ABCA13: variants seen among roughly 807,000 people sequenced by gnomAD.
ABCA13 encodes ATP-binding cassette sub-family A member 13.
In ABCA13, 476 loss-of-function variants were observed where a neutral mutation model predicts 478.7. The observed-to-expected ratio is 0.99, with a 90% CI of 0.92 to 1.07. The LOEUF (loss-of-function observed/expected upper bound fraction) is 1.07. ABCA13 is among the 50% of genes least tolerant of loss of function. The pLI is 0.00. For synonymous variants in ABCA13, 2,252 were observed against 2,158.9 expected, an observed-to-expected ratio of 1.04 and a Z score of -1.20; for missense variants, 6,060 against 5,910.6, an observed-to-expected ratio of 1.03 and a Z score of -0.83.
At chr7:48,399,226 A>G (rs1424572512) in intron 38 of ABCA13, among the ~76,000 whole-genome samples, 1 of 152,230 alleles carries the variant, frequency 6.6e-6, no homozygotes, top group African/African-American at 2.4e-5. Context: ...TTCCATTCAA[A>G]TAATTCAAAG....
chr7:48,301,357 C>T (rs921606445), intron 23 of ABCA13, among the ~76,000 whole-genome samples: 1 of 152,102 alleles, frequency 6.6e-6, no homozygotes, highest in Admixed American at 6.5e-5. Flanking sequence ...ATTAACAGAG[C>T]TGCTGGGCAT....
chr7:48,338,459 A>T lies in ABCA13; in HGVS notation c.10204+4A>T, dbSNP rs1295328697. On this transcript the variant is annotated splice_donor_region_variant and intron_variant, in intron 29 of 61. Transcript: ENST00000435803. Reference sequence around the variant, plus strand: ...ACTGAAAAACTCCAGACATACGGTAAGTGTGCTGATGGGCATGGTAGTGTT... The same window carrying T: ...ACTGAAAAACTCCAGACATACGGTATGTGTGCTGATGGGCATGGTAGTGTT... 21 of 1,582,884 alleles carry T rather than the reference A, an allele frequency of 1.3e-5. No homozygotes were observed. Among genetic ancestry groups the T allele is most frequent in the Non-Finnish European group, 1.8e-5 (21 of 1,163,422 alleles).
chr7:48,246,778 C>T (rs1791755765), intron 13 of ABCA13, among the ~76,000 whole-genome samples: 1 of 152,074 alleles, frequency 6.6e-6, no homozygotes, highest in South Asian at 2.1e-4. Flanking sequence ...GAAGGGAGTA[C>T]AAACATGAAG....
chr7:48,544,439 A>C (rs1269642233), intron 55 of ABCA13, among the ~76,000 whole-genome samples: 3 of 151,734 alleles, frequency 2.0e-5, no homozygotes, highest in Non-Finnish European at 4.4e-5. Context: ...CACACCCCTC[A>C]ATCTCAGGGG....
At chr7:48,490,651 A>G (rs1829757251) in intron 48 of ABCA13, among the ~76,000 whole-genome samples, 1 of 152,234 alleles carries the variant, frequency 6.6e-6, no homozygotes, top group Non-Finnish European at 1.5e-5. Context: ...ATTATAGTGT[A>G]TGTTCAGCTT....
At chr7:48,453,706 C>A (rs1033587949) in intron 42 of ABCA13, among the ~76,000 whole-genome samples, 8 of 152,172 alleles carry the variant, frequency 5.3e-5, no homozygotes, top group Admixed American at 2.0e-4. Context: ...GGCCGCTTGG[C>A]CTGTTTCTCA....
intron 31 of ABCA13, among the ~76,000 whole-genome samples, chr7:48,356,764 A>C: frequency 6.6e-6 from 1 of 151,836 alleles, no homozygotes; most frequent in Non-Finnish European, 1.5e-5. Flanking sequence ...GTTCCTATCA[A>C]CCCCCTGATT....
Position 48,551,836 on chromosome 7 carries a change from C to T in ABCA13, c.14354+23491C>T, listed in dbSNP as rs532082477. Among the ~76,000 whole-genome samples the T allele has an allele frequency of 2.0e-5, 3 of 151,870 alleles. No homozygotes were observed. The South Asian group carries it at 6.2e-4, about 32-fold the overall frequency. The stretch of plus-strand genomic sequence containing the variant: ...CCTTCCCTTCTGAAAGACAAGAATG[C>T]ACATGCCATTCTAAGGTCACACATT... On this transcript the variant is annotated intron_variant, in intron 55 of 61. Coordinates refer to ENST00000435803, the MANE Select transcript of ABCA13 (RefSeq NM_152701.5).
chr7:48,294,290 A>G (rs2128823682), intron 20 of ABCA13, among the ~76,000 whole-genome samples: 1 of 152,226 alleles, frequency 6.6e-6, no homozygotes, highest in Middle Eastern at 3.4e-3. Context: ...ATTGGCAACT[A>G]TAATTCTCAT....
At chr7:48,307,959 T>TA (rs1289342199) in intron 23 of ABCA13, among the ~76,000 whole-genome samples, 2 of 152,166 alleles carry the variant, frequency 1.3e-5, no homozygotes, top group Non-Finnish European at 2.9e-5. Context: ...ACTGGGATTA[T>TA]AGGTGTGAGC....
intron 49 of ABCA13, 32 bp downstream of exon 49, chr7:48,506,422 C>A: frequency 6.2e-7 from 1 of 1,608,150 alleles, no homozygotes. Flanking sequence ...GGGTGTGTGA[C>A]CCTGACTATG....
At chr7:48,246,454 C>T (rs1287519174) in intron 13 of ABCA13, among the ~76,000 whole-genome samples, 1 of 152,214 alleles carries the variant, frequency 6.6e-6, no homozygotes, top group Admixed American at 6.5e-5. Context: ...TGGGCTACCC[C>T]TGTTCAGCGC....
chr7:48,377,545 C>T (rs1813693652), intron 35 of ABCA13, among the ~76,000 whole-genome samples: 2 of 152,066 alleles, frequency 1.3e-5, no homozygotes, highest in Admixed American at 1.3e-4. Flanking sequence ...TTGGAGAGCT[C>T]ATGAATCATT....
At chr7:48,450,187 T>C (rs1441543657) in intron 42 of ABCA13, among the ~76,000 whole-genome samples, 3 of 152,212 alleles carry the variant, frequency 2.0e-5, no homozygotes, top group Non-Finnish European at 4.4e-5. Context: ...TATTTATAAA[T>C]AAATGAACCT....
intron 7 of ABCA13, among the ~76,000 whole-genome samples, chr7:48,231,656 C>CTATTAT (rs151023674): frequency 0.13 from 19,964 of 150,658 alleles, 1,429 homozygotes; most frequent in South Asian, 0.22. Context: ...GTCTCCTGAA[C>CTATTAT]TATTATTATT....
intron 43 of ABCA13, among the ~76,000 whole-genome samples, chr7:48,460,792 A>G (rs188094017): frequency 2.0e-5 from 3 of 152,348 alleles, no homozygotes; most frequent in Admixed American, 2.0e-4. Context: ...GATAACAGAA[A>G]TTAAATTAAC....
At chr7:48,381,699 T>G (rs1563158174) in intron 35 of ABCA13, among the ~76,000 whole-genome samples, 2 of 152,196 alleles carry the variant, frequency 1.3e-5, no homozygotes, top group South Asian at 4.1e-4. Flanking sequence ...ATTGACCTCT[T>G]CTTTTATCAC....
chr7:48,223,407 C>T (rs1787655344), intron 5 of ABCA13, among the ~76,000 whole-genome samples: 1 of 151,936 alleles, frequency 6.6e-6, no homozygotes. Flanking sequence ...GGGCTGAGCA[C>T]CAAGCACTTG....
Position 48,427,805 on chromosome 7 carries a change from C to T in ABCA13, c.12499C>T (p.His4167Tyr), listed in dbSNP as rs547117792. The T allele has an allele frequency of 3.1e-6, 5 of 1,609,462 alleles. No homozygotes were observed. The highest frequency in any genetic ancestry group is 4.2e-6 in the Non-Finnish European group (5 of 1,177,266). ...TTTGCAAGATTCCAACAAGAAATCT[C>T]ACATTGCCCTGGGGACTGAGTCAGA... ...MLLQDSNKKS[H>Y]IALGTESELQ... The change falls in exon 42 of 62, where the codon CAC (histidine) becomes TAC (tyrosine). Residue 4167 changes from histidine to tyrosine, a missense_variant. Transcript: ENST00000435803.
Sources: gnomAD v4.1 joint callset for allele counts (sites outside exome capture counted in the v4.1 genomes callset) on GRCh38, gnomAD v4.1.1 for gene constraint, MANE v1.5 for transcripts, NCBI Gene and HGNC (gene_info 2026-07-23, HGNC 2026-07-21) for gene names.